SLC25A21: variants seen among roughly 807,000 people sequenced by gnomAD.
The protein encoded by SLC25A21 is solute carrier family 25 member 21, also known as mitochondrial 2-oxodicarboxylate carrier.
SLC25A21 carries 47 observed loss-of-function variants against 43.8 expected under a neutral mutation model. The observed-to-expected ratio is 1.07, with a 90% CI of 0.85 to 1.37. The LOEUF is 1.37. SLC25A21 is among the 40% of genes most tolerant of loss of function. SLC25A21 has a pLI of 0.00. For missense variants in SLC25A21, 352 were observed against 350.2 expected, an observed-to-expected ratio of 1.00 and a Z score of -0.04; for synonymous variants, 131 against 121.3, an observed-to-expected ratio of 1.08 and a Z score of -0.52.
intron 1 of SLC25A21, among the ~76,000 whole-genome samples, chr14:37,053,847 C>G (rs1428938505): frequency 6.6e-6 from 1 of 152,076 alleles, no homozygotes; most frequent in Non-Finnish European, 1.5e-5. Context: ...ACAATTTGAG[C>G]ATCAATAAAA....
At chr14:36,914,513 A>T (rs767827752) in intron 1 of SLC25A21, among the ~76,000 whole-genome samples, 3 of 152,076 alleles carry the variant, frequency 2.0e-5, no homozygotes, top group Non-Finnish European at 2.9e-5. Flanking sequence ...AGGGTAATAA[A>T]TTTTTTTCCT....
chr14:37,142,330 A>G lies in SLC25A21; in HGVS notation c.70+29951T>C, dbSNP rs116632663. 1.6e-3 allele frequency among the ~76,000 whole-genome samples: 239 copies of G among 152,250 alleles called. 1 individual carries two copies. The highest frequency in any genetic ancestry group is 5.3e-3 in the African/African-American group (221 of 41,548). ...GAGTGGTAGCTCTTCATCACAGACT[A>G]TCATCGAGGTAGAAACCATGCCATA... On this transcript the variant is annotated intron_variant, in intron 1 of 9. Coordinates refer to ENST00000331299, the MANE Select transcript of SLC25A21 (RefSeq NM_030631.4).
At chr14:37,070,904 C>T (rs8016567) in intron 1 of SLC25A21, among the ~76,000 whole-genome samples, 36,002 of 152,070 alleles carry the variant, frequency 0.24, 4,747 homozygotes, top group Non-Finnish European at 0.29. Context: ...TAATCCTGGG[C>T]TGCTTTGCTC....
At chr14:36,927,336 G>A (rs552210170) in intron 1 of SLC25A21, among the ~76,000 whole-genome samples, 4 of 152,098 alleles carry the variant, frequency 2.6e-5, no homozygotes, top group African/African-American at 9.7e-5. Flanking sequence ...TTAGACATAC[G>A]AACAAATCTG....
At chr14:37,025,470 C>T (rs1169237047) in intron 1 of SLC25A21, among the ~76,000 whole-genome samples, 1 of 152,178 alleles carries the variant, frequency 6.6e-6, no homozygotes, top group Admixed American at 6.6e-5. Context: ...GCTAATGCTC[C>T]GCAGTTAATA....
At chr14:36,923,481 C>A (rs936918588) in intron 1 of SLC25A21, among the ~76,000 whole-genome samples, 3 of 152,080 alleles carry the variant, frequency 2.0e-5, no homozygotes, top group Non-Finnish European at 2.9e-5. Flanking sequence ...AATTTCTACA[C>A]AAGGAATTGA....
chr14:36,945,565 T>G (rs1892660588), intron 1 of SLC25A21, among the ~76,000 whole-genome samples: 1 of 152,198 alleles, frequency 6.6e-6, no homozygotes, highest in African/African-American at 2.4e-5. Context: ...CATGCTAACA[T>G]GAATAAACGT....
rs534500360 is a variant in SLC25A21, at chr14:36,981,462, G to A, written c.71-106458C>T. Among the ~76,000 whole-genome samples the A allele has an allele frequency of 6.6e-5, 10 of 152,262 alleles. No individual in the cohort carries two copies. The East Asian group carries it at 1.4e-3, about 21-fold the overall frequency. ...CCAAATGTCCAACAATGATAGACTG[G>A]ATTAAGAAAATGTGGCACATATACA... On this transcript the variant is annotated intron_variant, in intron 1 of 9. Transcript: ENST00000331299.
intron 2 of SLC25A21, among the ~76,000 whole-genome samples, chr14:36,838,039 G>A (rs768438303): frequency 6.6e-6 from 1 of 152,136 alleles, no homozygotes; most frequent in Admixed American, 6.5e-5. Context: ...GACTGATGTG[G>A]GCAAGTGCTT....
At chr14:36,958,101 C>A (rs1353119251) in intron 1 of SLC25A21, among the ~76,000 whole-genome samples, 1 of 151,768 alleles carries the variant, frequency 6.6e-6, no homozygotes, top group Non-Finnish European at 1.5e-5. Flanking sequence ...AGGCCTTTAT[C>A]ATACACAAGA....
chr14:36,804,479 T>C (rs971418161), intron 3 of SLC25A21, among the ~76,000 whole-genome samples: 7 of 152,210 alleles, frequency 4.6e-5, no homozygotes, highest in Non-Finnish European at 1.0e-4. Context: ...AAACTAGAAC[T>C]GTACTCCTCA....
intron 1 of SLC25A21, among the ~76,000 whole-genome samples, chr14:37,065,508 T>C (rs778405374): frequency 6.6e-6 from 1 of 152,128 alleles, no homozygotes; most frequent in Non-Finnish European, 1.5e-5. Context: ...AGGAGACAAA[T>C]TGAAGTGCTT....
chr14:36,827,527 T>C (rs72681444), intron 2 of SLC25A21, among the ~76,000 whole-genome samples: 1,661 of 152,312 alleles, frequency 0.011, 15 homozygotes, highest in Non-Finnish European at 0.019. Flanking sequence ...CTTTCCTTTT[T>C]TGTGTTTTAA....
intron 3 of SLC25A21, among the ~76,000 whole-genome samples, chr14:36,798,627 G>A (rs540388378): frequency 3.3e-5 from 5 of 151,542 alleles, no homozygotes; most frequent in Admixed American, 6.6e-5. Context: ...ACTAAATACC[G>A]TTTGCTTGCT....
chr14:37,146,616 T>C (rs1185848242), intron 1 of SLC25A21, among the ~76,000 whole-genome samples: 2 of 152,214 alleles, frequency 1.3e-5, no homozygotes, highest in Non-Finnish European at 2.9e-5. Flanking sequence ...TGTTTTAATA[T>C]ATAATAAATG....
chr14:36,692,770 G>A (rs1882845282), intron 7 of SLC25A21, among the ~76,000 whole-genome samples: 1 of 152,188 alleles, frequency 6.6e-6, no homozygotes, highest in South Asian at 2.1e-4. Context: ...TTGAGTAGAG[G>A]ACAGCAATAG....
intron 1 of SLC25A21, among the ~76,000 whole-genome samples, chr14:37,113,200 G>A (rs1374830286): frequency 6.6e-6 from 1 of 152,184 alleles, no homozygotes; most frequent in Non-Finnish European, 1.5e-5. Context: ...TCTACCTATG[G>A]CTGGCTATCT....
intron 2 of SLC25A21, among the ~76,000 whole-genome samples, chr14:36,874,254 G>A (rs796940981): frequency 1.7e-4 from 26 of 152,286 alleles, no homozygotes; most frequent in African/African-American, 6.3e-4. Context: ...TAGGCATGGT[G>A]CTTTTGGGTT....
intron 1 of SLC25A21, among the ~76,000 whole-genome samples, chr14:37,049,908 C>A (rs961662072): frequency 6.6e-6 from 1 of 152,190 alleles, no homozygotes; most frequent in African/African-American, 2.4e-5. Context: ...AGCAACAAGT[C>A]CAGTGGTCAA....
Sources: allele counts gnomAD v4.1 joint callset (sites outside exome capture counted in the v4.1 genomes callset), GRCh38; gene constraint gnomAD v4.1.1; transcripts MANE v1.5; gene names NCBI Gene and HGNC (gene_info 2026-07-23, HGNC 2026-07-21).